Variants in SDC2 observed in about 807,000 individuals in gnomAD.
The protein encoded by SDC2 is syndecan-2.
Under a neutral mutation model 22.2 loss-of-function variants are expected in SDC2, and 13 were observed. The ratio of observed to expected loss-of-function variants is 0.59; its 90% CI spans 0.38 to 0.93. The LOEUF is 0.93. Among genes scored for constraint, SDC2 ranks in the 40% least tolerant of loss-of-function variants. SDC2 has a pLI of 0.00. For missense variants in SDC2, 235 were observed against 246.8 expected (o/e 0.95, Z 0.32); for synonymous variants, 94 against 92.8 (o/e 1.01, Z -0.07).
chr8:96,604,469 T>A (rs942600305), intron 3 of SDC2, among the ~76,000 whole-genome samples: 7 of 152,218 alleles, frequency 4.6e-5, no homozygotes, highest in African/African-American at 1.7e-4. Context: ...GAACACTGTT[T>A]GCAGCACTGA....
chr8:96,500,871 G>C (rs570296672), intron 1 of SDC2, among the ~76,000 whole-genome samples: 35 of 152,242 alleles, frequency 2.3e-4, no homozygotes, highest in African/African-American at 7.9e-4. Context: ...TTTTTCTCAA[G>C]TATCTCAAAG....
intron 3 of SDC2, among the ~76,000 whole-genome samples, chr8:96,605,572 A>G (rs1400857760): frequency 6.6e-6 from 1 of 152,236 alleles, no homozygotes; most frequent in African/African-American, 2.4e-5. Context: ...TCTCATAGTA[A>G]TAGAAAGGAC....
intron 1 of SDC2, among the ~76,000 whole-genome samples, chr8:96,532,496 TA>T (rs11291269): frequency 0.024 from 3,227 of 134,670 alleles, 114 homozygotes; most frequent in African/African-American, 0.082. Context: ...ATGGGTAAAA[TA>T]TTTTTTCCCT....
intron 1 of SDC2, among the ~76,000 whole-genome samples, chr8:96,559,021 A>G (rs2130557049): frequency 6.6e-6 from 1 of 152,314 alleles, no homozygotes; most frequent in East Asian, 1.9e-4. Flanking sequence ...CTGTTTTTAC[A>G]TGACTTAATG....
chr8:96,572,709 G>T (rs986076145), intron 1 of SDC2, among the ~76,000 whole-genome samples: 1 of 152,120 alleles, frequency 6.6e-6, no homozygotes, highest in African/African-American at 2.4e-5. Context: ...TGCACATATC[G>T]TGGTCCATTT....
At chr8:96,608,496 G>A in intron 4 of SDC2, 26 bp downstream of exon 4, 3 of 1,600,388 alleles carry the variant, frequency 1.9e-6, no homozygotes, top group Non-Finnish European at 2.6e-6. Context: ...GGCCTCAGGT[G>A]GGAGGGTGCC....
intron 1 of SDC2, among the ~76,000 whole-genome samples, chr8:96,533,511 A>G (rs959512147): frequency 6.6e-6 from 1 of 152,110 alleles, no homozygotes; most frequent in African/African-American, 2.4e-5. Context: ...TGATTGGTGT[A>G]TTTACAATCT....
At chr8:96,527,973 A>G (rs1813604147) in intron 1 of SDC2, among the ~76,000 whole-genome samples, 1 of 152,246 alleles carries the variant, frequency 6.6e-6, no homozygotes, top group African/African-American at 2.4e-5. Context: ...AAAACACATT[A>G]TAAAGTGCTG....
At chr8:96,525,981 A>G (rs1813571194) in intron 1 of SDC2, among the ~76,000 whole-genome samples, 1 of 152,162 alleles carries the variant, frequency 6.6e-6, no homozygotes, top group Non-Finnish European at 1.5e-5. Flanking sequence ...TTCAAAAATG[A>G]ACAAAGTCAG....
intron 1 of SDC2, among the ~76,000 whole-genome samples, chr8:96,497,116 T>C (rs1813088932): frequency 6.6e-6 from 1 of 152,100 alleles, no homozygotes; most frequent in South Asian, 2.1e-4. Flanking sequence ...ATAAACATTC[T>C]TAGATGTCTG....
intron 1 of SDC2, among the ~76,000 whole-genome samples, chr8:96,524,966 T>C (rs1284019349): frequency 6.6e-6 from 1 of 152,304 alleles, no homozygotes; most frequent in East Asian, 1.9e-4. Flanking sequence ...AGACAAGACT[T>C]TGGCCATTAT....
chr8:96,592,322 G>A (rs1467169244), intron 1 of SDC2, among the ~76,000 whole-genome samples: 1 of 152,214 alleles, frequency 6.6e-6, no homozygotes, highest in Non-Finnish European at 1.5e-5. Context: ...TCCAATCACA[G>A]CGACTGCTGG....
intron 1 of SDC2, among the ~76,000 whole-genome samples, chr8:96,542,823 C>T (rs114759932): frequency 1.3e-5 from 2 of 152,104 alleles, no homozygotes; most frequent in African/African-American, 4.8e-5. Context: ...CTAAGTAGGG[C>T]GACCATATGT....
chr8:96,495,867 A>G (rs1813066648), intron 1 of SDC2, among the ~76,000 whole-genome samples: 1 of 152,220 alleles, frequency 6.6e-6, no homozygotes. Context: ...CAGGTTGTAA[A>G]ATAGAACTCC....
At chr8:96,558,495 C>T (rs1389457255) in intron 1 of SDC2, among the ~76,000 whole-genome samples, 1 of 152,082 alleles carries the variant, frequency 6.6e-6, no homozygotes, top group African/African-American at 2.4e-5. Context: ...TCTTAAGGTT[C>T]TCATAACTAA....
At chr8:96,522,079 ATTAT>A (rs1445777236) in intron 1 of SDC2, among the ~76,000 whole-genome samples, 5 of 152,202 alleles carry the variant, frequency 3.3e-5, no homozygotes, top group Admixed American at 6.5e-5. Flanking sequence ...TCAAGTGAAA[ATTAT>A]TTATTTAGGA....
Position 96,609,661 on chromosome 8 carries a change from A to T in SDC2, c.*113A>T. The T allele has an allele frequency of 3.2e-6, 2 of 634,378 alleles. No homozygotes were observed. The highest frequency in any genetic ancestry group is 4.9e-6 in the Non-Finnish European group (2 of 408,308). 39.3% of individuals were successfully genotyped at this position (634,378 alleles called of 1,614,324 possible). A position where few individuals can be genotyped will look rare whatever the true frequency, so the allele number is the denominator to read the frequency against. On this transcript the variant is annotated 3_prime_UTR_variant, in exon 5 of 5. Coordinates refer to ENST00000302190, the MANE Select transcript of SDC2 (RefSeq NM_002998.4). ...GTTTTCATTAAAGAGCCATTCTGGC[A>T]CTTTAATGATAAAATCCCATTGTAT...
At chr8:96,604,845 T>A (rs1399786516) in intron 3 of SDC2, among the ~76,000 whole-genome samples, 2 of 152,246 alleles carry the variant, frequency 1.3e-5, no homozygotes, top group African/African-American at 2.4e-5. Context: ...ATTTTGCACA[T>A]ACATTCATAC....
intron 1 of SDC2, among the ~76,000 whole-genome samples, chr8:96,575,889 C>G (rs1157638810): frequency 2.0e-5 from 3 of 152,222 alleles, no homozygotes; most frequent in African/African-American, 7.2e-5. Context: ...GCAAGTAGCT[C>G]TGATAAGGAA....
Sources: gnomAD v4.1 joint callset for allele counts (sites outside exome capture counted in the v4.1 genomes callset) on GRCh38, gnomAD v4.1.1 for gene constraint, MANE v1.5 for transcripts, NCBI Gene and HGNC (gene_info 2026-07-23, HGNC 2026-07-21) for gene names.